ARHGAP24: variants seen among roughly 807,000 people sequenced by gnomAD.
ARHGAP24 encodes the protein rho GTPase-activating protein 24.
Under a neutral mutation model 76.4 loss-of-function variants are expected in ARHGAP24, and 50 were observed. The ratio of observed to expected loss-of-function variants is 0.65; its 90% CI spans 0.52 to 0.83. The LOEUF is 0.83. Among genes scored for constraint, ARHGAP24 ranks in the 40% least tolerant of loss-of-function variants. The pLI, the probability that ARHGAP24 is intolerant of heterozygous loss-of-function variation, is 0.00. For synonymous variants in ARHGAP24, 345 were observed against 323.3 expected (o/e 1.07, Z -0.72); for missense variants, 930 against 914.2 (o/e 1.02, Z -0.22).
intron 3 of ARHGAP24, among the ~76,000 whole-genome samples, chr4:85,829,736 G>C (rs546224020): frequency 2.0e-5 from 3 of 152,340 alleles, no homozygotes; most frequent in Admixed American, 6.5e-5. Flanking sequence ...TTGTGTAACT[G>C]TTTTATCAAC....
chr4:85,818,937 C>G (rs538030595), intron 3 of ARHGAP24, among the ~76,000 whole-genome samples: 1 of 152,200 alleles, frequency 6.6e-6, no homozygotes, highest in Non-Finnish European at 1.5e-5. Context: ...CAGCAACACT[C>G]TTCACAACAG....
chr4:85,671,944 C>T (rs74781847), intron 2 of ARHGAP24, among the ~76,000 whole-genome samples: 4,461 of 152,208 alleles, frequency 0.029, 202 homozygotes, highest in African/African-American at 0.1. Context: ...GAGCTGAGTT[C>T]ACCAACCTTC....
chr4:85,689,861 C>A (rs1256823254), intron 2 of ARHGAP24, among the ~76,000 whole-genome samples: 3 of 152,116 alleles, frequency 2.0e-5, no homozygotes, highest in Non-Finnish European at 4.4e-5. Flanking sequence ...TTATTTCTTT[C>A]TTTTGCCTGA....
chr4:85,553,883 T>C (rs1211043153), intron 1 of ARHGAP24, among the ~76,000 whole-genome samples: 1 of 152,204 alleles, frequency 6.6e-6, no homozygotes. Context: ...TTATGTAGAC[T>C]TGTTTTTGTG....
At chr4:85,759,770 A>T (rs1412208517) in intron 3 of ARHGAP24, among the ~76,000 whole-genome samples, 1 of 152,198 alleles carries the variant, frequency 6.6e-6, no homozygotes, top group Non-Finnish European at 1.5e-5. Context: ...TAAAGGGGGA[A>T]CAAGTTGATT....
rs148021578 is a variant in ARHGAP24 at position 85,786,717 on chromosome 4, A to G, written c.268+64745A>G. 1.2e-3 allele frequency among the ~76,000 whole-genome samples: 186 copies of G among 152,298 alleles called. 2 individuals are homozygous for G. Among genetic ancestry groups the G allele is most frequent in the African/African-American group, 3.7e-3 (152 of 41,566 alleles). ...CAAACCCAATTAGAGTAAATGTTGA[A>G]TGCTTCCCTTCTTCCTTCCCCTCAG... On this transcript the variant is annotated intron_variant, in intron 3 of 9. Transcript: ENST00000395184.
At chr4:85,702,273 G>GAA (rs1338178143) in intron 2 of ARHGAP24, among the ~76,000 whole-genome samples, 2 of 152,116 alleles carry the variant, frequency 1.3e-5, no homozygotes, top group Non-Finnish European at 2.9e-5. Flanking sequence ...ACAAAATACA[G>GAA]AAGCCAAACA....
At chr4:85,864,865 C>A (rs1732106092) in intron 3 of ARHGAP24, among the ~76,000 whole-genome samples, 3 of 152,030 alleles carry the variant, frequency 2.0e-5, no homozygotes, top group Non-Finnish European at 4.4e-5. Context: ...GGATCTCTGG[C>A]TGAGGCTTTT....
chr4:85,936,258 C>G (rs1014403982), intron 4 of ARHGAP24, among the ~76,000 whole-genome samples: 4 of 152,128 alleles, frequency 2.6e-5, no homozygotes, highest in Non-Finnish European at 5.9e-5. Context: ...CACGAACTAT[C>G]AATGAGTTTC....
chr4:85,985,073 T>A (rs143291442), intron 8 of ARHGAP24, among the ~76,000 whole-genome samples: 2 of 152,278 alleles, frequency 1.3e-5, no homozygotes, highest in African/African-American at 4.8e-5. Context: ...CTGCCCACCT[T>A]GGCCTCCCTG....
intron 3 of ARHGAP24, among the ~76,000 whole-genome samples, chr4:85,871,976 T>A (rs1510583): frequency 0.47 from 70,980 of 151,154 alleles, 18,126 homozygotes; most frequent in East Asian, 0.86. Context: ...TTAAAACACT[T>A]ATTTGCCTTT....
At chr4:85,877,906 T>C (rs1578334790) in intron 3 of ARHGAP24, among the ~76,000 whole-genome samples, 2 of 152,310 alleles carry the variant, frequency 1.3e-5, no homozygotes, top group East Asian at 3.9e-4. Context: ...ATTATTAATA[T>C]CAACTTAATG....
chr4:85,932,545 C>T (rs185686843), intron 4 of ARHGAP24, among the ~76,000 whole-genome samples: 54 of 150,582 alleles, frequency 3.6e-4, no homozygotes, highest in Admixed American at 6.7e-4. Flanking sequence ...AAATACTAAG[C>T]GGGGAAGGCA....
chr4:85,700,397 A>G (rs1469881906), intron 2 of ARHGAP24, among the ~76,000 whole-genome samples: 5 of 79,836 alleles, frequency 6.3e-5, no homozygotes, highest in African/African-American at 1.2e-4. Context: ...TTCTGTCTAA[A>G]AAAAAAAAAA....
At chr4:85,866,781 G>A (rs1732222746) in intron 3 of ARHGAP24, among the ~76,000 whole-genome samples, 1 of 152,046 alleles carries the variant, frequency 6.6e-6, no homozygotes, top group Non-Finnish European at 1.5e-5. Context: ...ATCAGATGGA[G>A]GAAAGAGAAT....
intron 2 of ARHGAP24, among the ~76,000 whole-genome samples, chr4:85,706,643 A>G (rs1051951272): frequency 1.3e-5 from 2 of 151,182 alleles, no homozygotes; most frequent in African/African-American, 2.4e-5. Context: ...TCAGCTCACT[A>G]CAAGTTCCAC....
In ARHGAP24 at chr4:85,729,234, G is replaced by A. The variant is rs144096600; in HGVS notation, c.268+7262G>A. On this transcript the variant is annotated intron_variant, in intron 3 of 9. Coordinates refer to ENST00000395184, the MANE Select transcript of ARHGAP24 (RefSeq NM_001025616.3). Reference sequence around the variant, plus strand: ...GAGAATGTGAGTAGGAGTTGCTTACGGTATGAAAACATAATTCTATATACA... The same window carrying A: ...GAGAATGTGAGTAGGAGTTGCTTACAGTATGAAAACATAATTCTATATACA... 2.1e-3 allele frequency among the ~76,000 whole-genome samples: 325 copies of A among 151,816 alleles called. 3 individuals carry two copies. The highest frequency in any genetic ancestry group is 7.2e-3 in the African/African-American group (300 of 41,400).
chr4:85,483,054 C>T (rs1722879206), intron 1 of ARHGAP24, among the ~76,000 whole-genome samples: 1 of 152,162 alleles, frequency 6.6e-6, no homozygotes, highest in African/African-American at 2.4e-5. Context: ...CATTTAATGA[C>T]ACCTACTTCA....
chr4:85,925,276 CA>C (rs1560721633), intron 4 of ARHGAP24, among the ~76,000 whole-genome samples: 1 of 152,166 alleles, frequency 6.6e-6, no homozygotes, highest in Admixed American at 6.5e-5. Context: ...TCCAATTGTC[CA>C]GTACATTTAC....
Sources: allele counts gnomAD v4.1 joint callset (sites outside exome capture counted in the v4.1 genomes callset), GRCh38; gene constraint gnomAD v4.1.1; transcripts MANE v1.5; gene names NCBI Gene and HGNC (gene_info 2026-07-23, HGNC 2026-07-21).